The following MCTP1 variants were observed in gnomAD, a reference collection of about 807,000 sequenced individuals.
MCTP1 encodes the protein multiple C2 and transmembrane domain-containing protein 1.
A neutral mutation model predicts 120.6 loss-of-function variants in MCTP1; 69 were observed. The observed-to-expected ratio is 0.57, with a 90% CI of 0.47 to 0.70. The LOEUF is 0.70. Ranked by LOEUF, MCTP1 falls within the 30% of genes least tolerant of loss-of-function variation. The pLI is 0.00. For missense variants in MCTP1, 1,203 were observed against 1,248.8 expected (o/e 0.96, Z 0.55); for synonymous variants, 529 against 493.1 (o/e 1.07, Z -0.96).
intron 12 of MCTP1, among the ~76,000 whole-genome samples, chr5:94,885,674 G>A (rs1190692722): frequency 7.4e-6 from 1 of 134,488 alleles, no homozygotes; most frequent in Non-Finnish European, 1.5e-5. Context: ...CAGAGAGAAT[G>A]TTCCCCAGTG....
At chr5:95,135,301 T>C (rs1173558071) in intron 1 of MCTP1, among the ~76,000 whole-genome samples, 1 of 152,120 alleles carries the variant, frequency 6.6e-6, no homozygotes, top group Non-Finnish European at 1.5e-5. Flanking sequence ...ATATACACTA[T>C]GGTGGTGAAT....
chr5:94,728,160 C>T (rs1250505003), intron 19 of MCTP1, among the ~76,000 whole-genome samples: 6 of 152,026 alleles, frequency 3.9e-5, no homozygotes, highest in Admixed American at 2.0e-4. Flanking sequence ...CTTATGATAA[C>T]GTTGGTTACT....
chr5:94,727,925 G>A (rs1015503018), intron 19 of MCTP1, among the ~76,000 whole-genome samples: 1 of 152,174 alleles, frequency 6.6e-6, no homozygotes, highest in East Asian at 1.9e-4. Flanking sequence ...GCAGATGTCA[G>A]TATAAATAAA....
At chr5:94,787,618 T>C (rs1206686518) in intron 18 of MCTP1, among the ~76,000 whole-genome samples, 5 of 149,246 alleles carry the variant, frequency 3.4e-5, no homozygotes, top group African/African-American at 1.3e-4. Context: ...TACTGTTTTT[T>C]TTTGTTTTTT....
Position 94,705,930 on chromosome 5 carries a change from GAATTT to G in MCTP1, c.*1561_*1565del, listed in dbSNP as rs1407788530. ...AGGTCAAAGCCTTTCTGTAGAAAGG[GAATTT>G]AATTGACATTCAAGCATAGTATATA... is the stretch of plus-strand genomic sequence containing the variant. On this transcript the variant is annotated 3_prime_UTR_variant, in exon 23 of 23. Coordinates refer to ENST00000515393, the MANE Select transcript of MCTP1 (RefSeq NM_024717.7). 1 of 151,444 alleles carries G rather than the reference GAATTT, an allele frequency of 6.6e-6. No individual in the cohort carries two copies. Among genetic ancestry groups the G allele is most frequent in the East Asian group, 1.9e-4 (1 of 5,144 alleles). 9.4% of individuals were successfully genotyped at this position (151,444 alleles called of 1,614,324 possible).
chr5:94,912,848 G>C lies in MCTP1; in HGVS notation c.1479C>G (p.Pro493=). The change falls in exon 9 of 23, where the codon CCC becomes CCG. Residue 493 remains proline, a synonymous_variant. Coordinates refer to ENST00000515393, the MANE Select transcript of MCTP1 (RefSeq NM_024717.7). ...GATGCCCAAGCCGGAACTTCACGTA[G>C]GGATCGCTCAACCCGTTGGAATCCA... ...KAMDSNGLSD[P]YVKFRLGHQK... 1 of 1,583,924 alleles carries C rather than the reference G, an allele frequency of 6.3e-7. No homozygotes were observed. Among genetic ancestry groups the C allele is most frequent in the Non-Finnish European group, 8.6e-7 (1 of 1,166,222 alleles).
intron 1 of MCTP1, among the ~76,000 whole-genome samples, chr5:95,177,532 T>C (rs1392971045): frequency 6.6e-6 from 1 of 152,214 alleles, no homozygotes; most frequent in African/African-American, 2.4e-5. Context: ...TTAAGAGTAG[T>C]ATCTTAAAAG....
At chr5:94,861,749 G>A (rs555478730) in intron 17 of MCTP1, among the ~76,000 whole-genome samples, 1 of 151,932 alleles carries the variant, frequency 6.6e-6, no homozygotes, top group South Asian at 2.1e-4. Flanking sequence ...TCTGGGAACA[G>A]GTAGTGAGAC....
At chr5:94,901,182 C>T (rs769251511) in intron 10 of MCTP1, among the ~76,000 whole-genome samples, 4 of 152,062 alleles carry the variant, frequency 2.6e-5, no homozygotes, top group South Asian at 2.1e-4. Context: ...TGGCAGAAGG[C>T]GAATGAGGAG....
chr5:94,743,731 G>A (rs1048811024), intron 19 of MCTP1, among the ~76,000 whole-genome samples: 11 of 150,192 alleles, frequency 7.3e-5, no homozygotes, highest in Non-Finnish European at 1.5e-4. Context: ...TCCGCCTTCC[G>A]GGTTCACGCC....
chr5:94,721,018 A>G (rs966441674), intron 19 of MCTP1, among the ~76,000 whole-genome samples: 1 of 152,190 alleles, frequency 6.6e-6, no homozygotes, highest in Admixed American at 6.5e-5. Context: ...TCCAGAGCCT[A>G]TACTCTATAA....
intron 2 of MCTP1, among the ~76,000 whole-genome samples, chr5:95,011,750 C>A (rs76137304): frequency 2.0e-5 from 3 of 152,096 alleles, no homozygotes; most frequent in Non-Finnish European, 2.9e-5. Context: ...TCTTTTCTTC[C>A]TAAGTTACCC....
rs182834866 is a variant in MCTP1, at chr5:94,928,700, G to T, written c.1212+3253C>A. Among the ~76,000 whole-genome samples, 396 of 152,200 alleles carry T rather than the reference G, an allele frequency of 2.6e-3. 4 individuals carry two copies. The highest frequency in any genetic ancestry group is 9.4e-3 in the African/African-American group (391 of 41,514). Reference sequence around the variant, plus strand: ...TGTCCCTAGAAGAGGCAATATTATGGAATTTATACCTATATACTTGTTTAT... The same window carrying T: ...TGTCCCTAGAAGAGGCAATATTATGTAATTTATACCTATATACTTGTTTAT... On this transcript the variant is annotated intron_variant, in intron 6 of 22. Transcript: ENST00000515393.
chr5:95,128,994 T>A (rs1758834611), intron 1 of MCTP1, among the ~76,000 whole-genome samples: 2 of 151,894 alleles, frequency 1.3e-5, no homozygotes, highest in South Asian at 4.1e-4. Context: ...AAAAAATAAC[T>A]GGAAAAGTTT....
At chr5:95,041,585 T>G (rs970737875) in intron 1 of MCTP1, among the ~76,000 whole-genome samples, 1 of 152,176 alleles carries the variant, frequency 6.6e-6, no homozygotes, top group Non-Finnish European at 1.5e-5. Context: ...AGGGCATTTT[T>G]TGGCTTCTAA....
intron 10 of MCTP1, among the ~76,000 whole-genome samples, chr5:94,897,753 GTTGTACAGATTATT>G (rs1804450352): frequency 6.6e-6 from 1 of 151,904 alleles, no homozygotes; most frequent in South Asian, 2.1e-4. Flanking sequence ...ACAGGGTCTT[GTTGTACAGATTATT>G]TTGTAACCCA....
chr5:94,962,131 T>TA lies in MCTP1; in HGVS notation c.839-8771dup, dbSNP rs72545438. 2.8e-3 allele frequency among the ~76,000 whole-genome samples: 371 copies of TA among 134,164 alleles called. 5 individuals carry two copies. Among genetic ancestry groups the TA allele is most frequent in the Non-Finnish European group, 4.5e-3 (278 of 62,018 alleles). The allele number at this position is 134,164 out of a possible 152,430, so 88.0% of individuals were successfully genotyped here. A position where few individuals can be genotyped will look rare whatever the true frequency, so the allele number is the denominator to read the frequency against. ...CCTGCGCAAATGGCTATAATAATAA[T>TA]AAAAAAAAAGAAATAGATGTTGGTG... On this transcript the variant is annotated intron_variant, in intron 2 of 22. Transcript: ENST00000515393.
chr5:95,089,709 T>C (rs937734029), intron 1 of MCTP1, among the ~76,000 whole-genome samples: 5 of 152,172 alleles, frequency 3.3e-5, no homozygotes, highest in African/African-American at 9.7e-5. Flanking sequence ...ATCTGCTGTT[T>C]TGTTCCCCTC....
chr5:95,283,964 G>A lies in MCTP1; in HGVS notation c.612C>T (p.Thr204=). The A allele has an allele frequency of 2.8e-6, 4 of 1,418,898 alleles. No homozygotes were observed. Among genetic ancestry groups the A allele is most frequent in the South Asian group, 1.6e-5 (1 of 64,486 alleles). The allele number at this position is 1,418,898 out of a possible 1,614,324, so 87.9% of individuals were successfully genotyped here. Residue 204 remains threonine (T), a synonymous_variant, in exon 1 of 23, where the codon ACC becomes ACT. Coordinates refer to ENST00000515393, the MANE Select transcript of MCTP1 (RefSeq NM_024717.7). ...GCTCCAGCAGCTGCTCCAGGCAGGCGGTGCCCGGCAGAGAGGAGCTCTTCT... is the reference window on the plus strand; with the variant it reads ...GCTCCAGCAGCTGCTCCAGGCAGGCAGTGCCCGGCAGAGAGGAGCTCTTCT... ...CHQKSSSLPG[T]ACLEQLLEPP...
Sources: gnomAD v4.1 joint callset for allele counts (sites outside exome capture counted in the v4.1 genomes callset) on GRCh38, gnomAD v4.1.1 for gene constraint, MANE v1.5 for transcripts, NCBI Gene and HGNC (gene_info 2026-07-23, HGNC 2026-07-21) for gene names.